PCDHGB1: variants seen among roughly 807,000 people sequenced by gnomAD.
The protein encoded by PCDHGB1 is protocadherin gamma subfamily B, 1.
PCDHGB1 carries 34 observed loss-of-function variants against 56.6 expected under a neutral mutation model. The ratio of observed to expected loss-of-function variants is 0.60; its 90% CI spans 0.46 to 0.80. The LOEUF (loss-of-function observed/expected upper bound fraction) is 0.80, where lower values mean the gene tolerates loss of function less well. Ranked by LOEUF, PCDHGB1 falls within the 30% of genes least tolerant of loss-of-function variation. PCDHGB1 has a pLI of 0.00. For missense variants in PCDHGB1, 1,278 were observed against 1,204.6 expected, an observed-to-expected ratio of 1.06 and a Z score of -0.90; for synonymous variants, 561 against 505.9, an observed-to-expected ratio of 1.11 and a Z score of -1.46.
At chr5:141,384,649 C>A (rs778822731) in intron 1 of PCDHGB1, 2 of 1,614,232 alleles carry the variant, frequency 1.2e-6, no homozygotes, top group South Asian at 1.1e-5. Flanking sequence ...CTCCGCAGAG[C>A]CCGGCTACCT....
In PCDHGB1 at chr5:141,382,895, CG is replaced by C. The variant is rs746416348; in HGVS notation, c.2409+30227del. 5.9e-6 allele frequency: 9 copies of C among 1,536,084 alleles called. No individual in the cohort carries two copies. In the Admixed American group the frequency reaches 1.9e-4, roughly 33 times the overall value. On this transcript the variant is annotated intron_variant, in intron 1 of 3. Transcript: ENST00000523390. ...CGGCGCCTAAGCAAGAGAAGCAGGA[CG>C]ACTATGGCGGCTCAGCCGAGGGGCG...
intron 1 of PCDHGB1, among the ~76,000 whole-genome samples, chr5:141,368,368 T>C (rs1463572003): frequency 6.6e-6 from 1 of 151,982 alleles, no homozygotes; most frequent in Non-Finnish European, 1.5e-5. Context: ...TATACACACA[T>C]ATATATACAC....
chr5:141,435,882 C>G (rs780080571), intron 1 of PCDHGB1, among the ~76,000 whole-genome samples: 1 of 152,060 alleles, frequency 6.6e-6, no homozygotes, highest in African/African-American at 2.4e-5. Context: ...AGATTGGAAA[C>G]CCCTTAGAGA....
intron 1 of PCDHGB1, chr5:141,364,687 A>C: frequency 6.2e-7 from 1 of 1,614,004 alleles, no homozygotes; most frequent in Non-Finnish European, 8.5e-7. Flanking sequence ...TTTATGGAGT[A>C]GAAGTAGAAA....
intron 2 of PCDHGB1, among the ~76,000 whole-genome samples, chr5:141,504,794 A>G (rs2099841154): frequency 6.6e-6 from 1 of 151,718 alleles, no homozygotes; most frequent in African/African-American, 2.4e-5. Flanking sequence ...GGCCTCCTAC[A>G]TCTCCCCCTA....
In PCDHGB1 at chr5:141,505,323, G is replaced by T. The variant is rs996747379; in HGVS notation, c.2469-70G>T. 12 of 1,606,640 alleles carry T rather than the reference G, an allele frequency of 7.5e-6. No homozygotes were observed. In the African/African-American group the frequency reaches 1.5e-4, roughly 20 times the overall value. On this transcript the variant is annotated intron_variant, in intron 2 of 3. Transcript: ENST00000523390. Reference sequence around the variant, plus strand: ...TAGGGTACTAGGTTTGGGAGCCCTGGGAGAGGACAGGAGGGGCATGAGCTG... The same window carrying T: ...TAGGGTACTAGGTTTGGGAGCCCTGTGAGAGGACAGGAGGGGCATGAGCTG...
intron 1 of PCDHGB1, chr5:141,371,776 T>C (rs1216205837): frequency 6.2e-7 from 1 of 1,613,882 alleles, no homozygotes; most frequent in Non-Finnish European, 8.5e-7. Flanking sequence ...ACCGTGCATG[T>C]AGCTGAGAAC....
rs1164046040 is a variant in PCDHGB1, at chr5:141,476,557, C to A, written c.2410-18250C>A. ...AAATGAAATTGGAGATTAGCGAGGC[C>A]GTGGCTCCGGGGACGCGCTTTCCGC... is the stretch of plus-strand genomic sequence containing the variant. On this transcript the variant is annotated intron_variant, in intron 1 of 3. Transcript: ENST00000523390. This position sits in a 1 kb window ranked among gnomAD's most constrained non-coding sequence, Gnocchi z 7.6. The A allele has an allele frequency of 2.5e-6, 4 of 1,614,222 alleles. No individual in the cohort carries two copies. Among genetic ancestry groups the A allele is most frequent in the Admixed American group, 3.3e-5 (2 of 60,032 alleles).
rs1230384508 is a variant in PCDHGB1 at position 141,490,990 on chromosome 5, C to T, written c.2410-3817C>T. On this transcript the variant is annotated intron_variant, in intron 1 of 3. Coordinates refer to ENST00000523390, the MANE Select transcript of PCDHGB1 (RefSeq NM_018922.3). The surrounding 1 kb of genome is among the most constrained non-coding windows in gnomAD (Gnocchi z 5.4). ...CCCCCAGCGTCTCCCTCGCTCTGCT[C>T]CTCCTGGCTCCTTGGTCACCAAGGT... 6 of 1,614,102 alleles carry T rather than the reference C, an allele frequency of 3.7e-6. No homozygotes were observed. The highest frequency in any genetic ancestry group is 1.3e-5 in the African/African-American group (1 of 75,064).
At chr5:141,373,660 C>G (rs1045727807) in intron 1 of PCDHGB1, among the ~76,000 whole-genome samples, 15 of 152,296 alleles carry the variant, frequency 9.8e-5, no homozygotes, top group Admixed American at 3.3e-4. Context: ...GAGATATTTT[C>G]ATAAAAATGA....
At chr5:141,370,648 T>A in intron 1 of PCDHGB1, 1 of 1,613,920 alleles carries the variant, frequency 6.2e-7, no homozygotes, top group Non-Finnish European at 8.5e-7. Context: ...GGGAACTTAC[T>A]TGTGAGCGAC....
chr5:141,374,849 C>A (rs1770893112), intron 1 of PCDHGB1: 3 of 1,613,636 alleles, frequency 1.9e-6, no homozygotes, highest in South Asian at 1.1e-5. Context: ...TGAAAACCTG[C>A]CAGTAGGCAC....
intron 1 of PCDHGB1, chr5:141,371,744 C>T: frequency 1.2e-6 from 2 of 1,614,040 alleles, no homozygotes; most frequent in East Asian, 2.2e-5. Flanking sequence ...ACAACGTTCC[C>T]GTTTTCCACC....
chr5:141,366,143 T>C, intron 1 of PCDHGB1: 1 of 1,614,160 alleles, frequency 6.2e-7, no homozygotes. Flanking sequence ...CGCCTGGCTG[T>C]CCTACCGCCT....
At chr5:141,356,454 T>G in intron 1 of PCDHGB1, 1 of 1,613,414 alleles carries the variant, frequency 6.2e-7, no homozygotes, top group Non-Finnish European at 8.5e-7. Context: ...TCTCAGAATA[T>G]AACATCACTG....
At chr5:141,360,458 C>G (rs532873096) in intron 1 of PCDHGB1, 16 of 1,613,856 alleles carry the variant, frequency 9.9e-6, no homozygotes, top group Non-Finnish European at 1.4e-5. Flanking sequence ...GATTTCGATA[C>G]TGTCGCTGAA....
rs2097542578 is a variant in PCDHGB1 at position 141,432,849 on chromosome 5, T to C, written c.2410-61958T>C. On this transcript the variant is annotated intron_variant, in intron 1 of 3. Coordinates refer to ENST00000523390, the MANE Select transcript of PCDHGB1 (RefSeq NM_018922.3). The surrounding 1 kb of genome is among the most constrained non-coding windows in gnomAD (Gnocchi z 6.0). ...CTCACTCTGTACCTGGTGGTAGCGG[T>C]GGCCGCGGTCTCCTGCGTCTTCCTG... 2 of 1,614,076 alleles carry C rather than the reference T, an allele frequency of 1.2e-6. No individual in the cohort carries two copies. Among genetic ancestry groups the C allele is most frequent in the South Asian group, 1.1e-5 (1 of 91,096 alleles).
intron 1 of PCDHGB1, among the ~76,000 whole-genome samples, chr5:141,438,606 A>G: frequency 3.6e-5 from 1 of 27,780 alleles, no homozygotes; most frequent in African/African-American, 2.7e-4. Flanking sequence ...ATATATATAT[A>G]TATATATATA....
chr5:141,490,045 C>T lies in PCDHGB1; in HGVS notation c.2410-4762C>T, dbSNP rs530803072. On this transcript the variant is annotated intron_variant, in intron 1 of 3. Transcript: ENST00000523390. The surrounding 1 kb of genome is among the most constrained non-coding windows in gnomAD (Gnocchi z 5.4). ...GCTGCTCCGCCTCAATGCCACTGAT[C>T]CAGACGAGGGCACCAACGGCCAACT... 1.2e-5 allele frequency: 19 copies of T among 1,614,114 alleles called. No individual in the cohort carries two copies. Among genetic ancestry groups the T allele is most frequent in the Admixed American group, 1.2e-4 (7 of 60,014 alleles).
Sources: allele counts gnomAD v4.1 joint callset (sites outside exome capture counted in the v4.1 genomes callset), GRCh38; gene constraint gnomAD v4.1.1; non-coding constraint Gnocchi (gnomAD v3.1); transcripts MANE v1.5; gene names NCBI Gene and HGNC (gene_info 2026-07-23, HGNC 2026-07-21).